PCDH9: variants seen among roughly 807,000 people sequenced by gnomAD.
PCDH9 encodes protocadherin 9.
A neutral mutation model predicts 70.6 loss-of-function variants in PCDH9; 24 were observed. The ratio of observed to expected loss-of-function variants is 0.34; its 90% CI spans 0.25 to 0.48. The LOEUF (loss-of-function observed/expected upper bound fraction) is 0.48, where lower values mean the gene tolerates loss of function less well. Among genes scored for constraint, PCDH9 ranks in the 20% least tolerant of loss-of-function variants. The pLI is 0.99. For missense variants in PCDH9, 1,281 were observed against 1,503.6 expected (o/e 0.85, Z 2.45); for synonymous variants, 562 against 558.5 (o/e 1.01, Z -0.09).
At position 67,227,079 on chromosome 13, in the gene PCDH9, C is replaced by T. The variant is rs1860777797; in HGVS notation, c.1362G>A (p.Leu454=). Residue 454 remains leucine (L), a synonymous_variant, in exon 2 of 5, where the codon CTG becomes CTA. Coordinates refer to ENST00000377865, the MANE Select transcript of PCDH9 (RefSeq NM_203487.3). The surrounding 1 kb of genome is among the most constrained non-coding windows in gnomAD (Gnocchi z 4.6). ...SGKPSLNQTA[L]VRVKLEDEND... is the part of the protein sequence containing the mutation. ...TTTCATCCTCAAGCTTAACCCTTAC[C>T]AGGGCAGTCTGATTTAAACTGGGCT... is the stretch of plus-strand genomic sequence containing the variant. The T allele has an allele frequency of 1.9e-6, 3 of 1,613,982 alleles. No homozygotes were observed. Among genetic ancestry groups the T allele is most frequent in the Non-Finnish European group, 2.5e-6 (3 of 1,180,012 alleles).
At chr13:66,448,214 T>C (rs1442760186) in intron 4 of PCDH9, among the ~76,000 whole-genome samples, 1 of 152,206 alleles carries the variant, frequency 6.6e-6, no homozygotes, top group Non-Finnish European at 1.5e-5. Flanking sequence ...TCTCATCGTG[T>C]AGTATTTTCT....
chr13:67,143,251 C>G (rs1338418120), intron 2 of PCDH9, among the ~76,000 whole-genome samples: 1 of 152,144 alleles, frequency 6.6e-6, no homozygotes, highest in African/African-American at 2.4e-5. Flanking sequence ...CAAAATTGTA[C>G]TCTTCACACT....
chr13:66,537,787 A>C (rs977012175), intron 4 of PCDH9, among the ~76,000 whole-genome samples: 2 of 152,098 alleles, frequency 1.3e-5, no homozygotes, highest in Admixed American at 1.3e-4. Context: ...TCAGTCACTA[A>C]ATAGGAAGTG....
chr13:66,411,079 G>T (rs1196274915), intron 4 of PCDH9, among the ~76,000 whole-genome samples: 1 of 152,002 alleles, frequency 6.6e-6, no homozygotes, highest in Non-Finnish European at 1.5e-5. Flanking sequence ...TTTTGATTTT[G>T]CTCCTAAGTT....
intron 4 of PCDH9, among the ~76,000 whole-genome samples, chr13:66,561,236 C>T (rs572925817): frequency 4.6e-5 from 7 of 152,338 alleles, no homozygotes; most frequent in South Asian, 2.1e-4. Context: ...AATTTCTCAC[C>T]GGGCCTTAGC....
intron 3 of PCDH9, among the ~76,000 whole-genome samples, chr13:66,787,645 A>G (rs2080101118): frequency 6.6e-6 from 1 of 151,962 alleles, no homozygotes; most frequent in South Asian, 2.1e-4. Context: ...AAAAGATAAC[A>G]CTGAATCTGC....
intron 2 of PCDH9, among the ~76,000 whole-genome samples, chr13:67,088,000 C>T (rs1246700828): frequency 6.6e-6 from 1 of 151,858 alleles, no homozygotes; most frequent in Non-Finnish European, 1.5e-5. Context: ...TGATATAGCA[C>T]CAAAATAGCC....
chr13:66,713,134 T>C (rs1243733734), intron 3 of PCDH9, among the ~76,000 whole-genome samples: 1 of 152,100 alleles, frequency 6.6e-6, no homozygotes, highest in Non-Finnish European at 1.5e-5. Context: ...GCGTGATCAC[T>C]CCTGAACAAG....
intron 3 of PCDH9, among the ~76,000 whole-genome samples, chr13:66,839,442 G>A (rs1270102601): frequency 6.6e-6 from 1 of 152,124 alleles, no homozygotes; most frequent in Non-Finnish European, 1.5e-5. Flanking sequence ...TCATTTTCTA[G>A]TTTTTGCTTC....
intron 2 of PCDH9, among the ~76,000 whole-genome samples, chr13:66,996,483 A>G (rs933217686): frequency 6.6e-6 from 1 of 152,212 alleles, no homozygotes; most frequent in African/African-American, 2.4e-5. Flanking sequence ...AAAAGATTCT[A>G]CTACATTCTT....
intron 4 of PCDH9, among the ~76,000 whole-genome samples, chr13:66,468,693 T>A (rs1159281252): frequency 6.6e-6 from 1 of 152,140 alleles, no homozygotes; most frequent in Non-Finnish European, 1.5e-5. Context: ...ATCCTCTGCA[T>A]AATTGCTTGT....
intron 3 of PCDH9, among the ~76,000 whole-genome samples, chr13:66,730,876 G>GTGTGTTTTTTTTTTTTTTTTTTTT: frequency 2.2e-5 from 1 of 46,358 alleles, no homozygotes; most frequent in African/African-American, 7.5e-5. Flanking sequence ...GTGTGTGTGT[G>GTGTGTTTTTTTTTTTTTTTTTTTT]TTTTTTTTTT....
At chr13:66,335,739 C>T (rs1253406815) in intron 4 of PCDH9, among the ~76,000 whole-genome samples, 1 of 152,082 alleles carries the variant, frequency 6.6e-6, no homozygotes, top group Non-Finnish European at 1.5e-5. Flanking sequence ...TGGTTTGACT[C>T]TACAGCTTTT....
At chr13:66,911,968 A>C (rs1046265060) in intron 2 of PCDH9, among the ~76,000 whole-genome samples, 20 of 152,286 alleles carry the variant, frequency 1.3e-4, no homozygotes, top group African/African-American at 4.1e-4. Context: ...AGTTCATTTC[A>C]ATTTATTTCA....
At chr13:66,335,152 G>A (rs1368001422) in intron 4 of PCDH9, among the ~76,000 whole-genome samples, 1 of 151,910 alleles carries the variant, frequency 6.6e-6, no homozygotes, top group Non-Finnish European at 1.5e-5. Context: ...TTTGCTTCAG[G>A]GTGTTATTAT....
intron 2 of PCDH9, among the ~76,000 whole-genome samples, chr13:67,010,365 C>T (rs1266770769): frequency 2.6e-5 from 4 of 151,898 alleles, no homozygotes; most frequent in Admixed American, 1.3e-4. Flanking sequence ...TGTTGAGGCA[C>T]GGTGGGTGCC....
Position 66,539,956 on chromosome 13 carries a change from A to G in PCDH9, c.3340+91254T>C, listed in dbSNP as rs552648427. ...TGGAATCAAGCTCACTGCAGCCTTG[A>G]CTTTCTGGGCTCAAGCCATGCTCCT... On this transcript the variant is annotated intron_variant, in intron 4 of 4. Coordinates refer to ENST00000377865, the MANE Select transcript of PCDH9 (RefSeq NM_203487.3). Among the ~76,000 whole-genome samples, 26 of 141,946 alleles carry G rather than the reference A, an allele frequency of 1.8e-4. 1 individual carries two copies. In the South Asian group the frequency reaches 4.5e-3, roughly 25 times the overall value. The allele number at this position is 141,946 out of a possible 152,430, so 93.1% of individuals were successfully genotyped here.
intron 2 of PCDH9, among the ~76,000 whole-genome samples, chr13:67,038,710 G>T (rs1255259976): frequency 6.6e-6 from 1 of 152,134 alleles, no homozygotes; most frequent in Non-Finnish European, 1.5e-5. Context: ...ATGTAAGTTT[G>T]ATCTTTGCCC....
chr13:66,367,340 CTGTT>C (rs1268172400), intron 4 of PCDH9, among the ~76,000 whole-genome samples: 1 of 152,084 alleles, frequency 6.6e-6, no homozygotes, highest in Non-Finnish European at 1.5e-5. Flanking sequence ...AACAGACACT[CTGTT>C]TGCATTAAGT....
Sources: gnomAD v4.1 joint callset for allele counts (sites outside exome capture counted in the v4.1 genomes callset) on GRCh38, gnomAD v4.1.1 for gene constraint, Gnocchi (gnomAD v3.1) non-coding constraint, MANE v1.5 for transcripts, NCBI Gene and HGNC (gene_info 2026-07-23, HGNC 2026-07-21) for gene names.